The following CTNS variants were observed in gnomAD, a reference collection of about 807,000 sequenced individuals.
CTNS encodes the protein cystinosin.
CTNS carries 27 observed loss-of-function variants against 43.7 expected under a neutral mutation model. That is an observed-to-expected ratio of 0.62 (90% CI 0.46 to 0.85). The LOEUF (loss-of-function observed/expected upper bound fraction) is 0.85, where lower values mean the gene tolerates loss of function less well. Ranked by LOEUF, CTNS falls within the 40% of genes least tolerant of loss-of-function variation. CTNS has a pLI of 0.00. For missense variants in CTNS, 457 were observed against 475.4 expected (o/e 0.96, Z 0.36); for synonymous variants, 187 against 190.6 (o/e 0.98, Z 0.16).
Position 3,660,290 on chromosome 17 carries a change from CCATCGTCTTCGA to C in CTNS, c.1027_1038del (p.Ile343_Asp346del). The C allele has an allele frequency of 1.9e-6, 3 of 1,614,262 alleles. No homozygotes were observed. Among genetic ancestry groups the C allele is most frequent in the Non-Finnish European group, 2.5e-6 (3 of 1,180,050 alleles). ...ACCAAGTTTGGACTCGGGGTCTTCT[CCATCGTCTTCGA>C]CGTCGTCTTCTTCATCCAGCACTTC... is the stretch of plus-strand genomic sequence containing the variant. On this transcript the variant is annotated inframe_deletion, in exon 12 of 12. Coordinates refer to ENST00000046640, the MANE Select transcript of CTNS (RefSeq NM_004937.3).
At chr17:3,656,613 T>C (rs1322208156) in intron 8 of CTNS, 27 bp downstream of exon 8, 2 of 1,612,344 alleles carry the variant, frequency 1.2e-6, no homozygotes, top group African/African-American at 2.7e-5. Flanking sequence ...CCTACATCTC[T>C]GCCCACATGG....
intron 3 of CTNS, among the ~76,000 whole-genome samples, chr17:3,644,179 A>T (rs2075791580): frequency 6.6e-6 from 1 of 152,196 alleles, no homozygotes; most frequent in African/African-American, 2.4e-5. Flanking sequence ...TTTGTGGAAA[A>T]CATGTTACAA....
chr17:3,655,466 A>G lies in CTNS; in HGVS notation c.461+114A>G, dbSNP rs77896500. The stretch of plus-strand genomic sequence containing the variant: ...GTCCCCTCTACCCTTCTGTCTGCCT[A>G]CCCTTTCCAGAAAGTTGTCCCAGTG... On this transcript the variant is annotated intron_variant, in intron 7 of 11. Transcript: ENST00000046640. 557 of 1,499,098 alleles carry G rather than the reference A, an allele frequency of 3.7e-4. No individual in the cohort carries two copies. The African/African-American group carries it at 6.6e-3, about 18-fold the overall frequency. 92.9% of individuals were successfully genotyped at this position (1,499,098 alleles called of 1,614,324 possible). A position where few individuals can be genotyped will look rare whatever the true frequency, so the allele number is the denominator to read the frequency against.
In CTNS at chr17:3,662,311, CAAAA is replaced by C. The variant is rs397856854; in HGVS notation, c.*1954_*1957del. On this transcript the variant is annotated 3_prime_UTR_variant, in exon 12 of 12. Coordinates refer to ENST00000046640, the MANE Select transcript of CTNS (RefSeq NM_004937.3). ...GGGCAACAAGAACGAAACTCCATCT[CAAAA>C]AAAAAAAAAAATTATTGACTTTTCT... Among the ~76,000 whole-genome samples, 1 of 146,790 alleles carries C rather than the reference CAAAA, an allele frequency of 6.8e-6. No homozygotes were observed. The highest frequency in any genetic ancestry group is 1.5e-5 in the Non-Finnish European group (1 of 66,318).
chr17:3,652,053 C>T (rs2076000748), intron 5 of CTNS, among the ~76,000 whole-genome samples: 1 of 151,888 alleles, frequency 6.6e-6, no homozygotes, highest in Admixed American at 6.6e-5. Context: ...TGGGCACCAA[C>T]CTACCTTTTC....
Position 3,655,176 on chromosome 17 carries a change from A to G in CTNS, c.330-45A>G, listed in dbSNP as rs368128980. The stretch of plus-strand genomic sequence containing the variant: ...TGCTGGGCACGTGGGAGTCTCCTTC[A>G]GAAGCCCAGCCTCAGCTCATCCCGG... On this transcript the variant is annotated intron_variant, in intron 6 of 11. Coordinates refer to ENST00000046640, the MANE Select transcript of CTNS (RefSeq NM_004937.3). 357 of 1,614,082 alleles carry G rather than the reference A, an allele frequency of 2.2e-4. 1 individual carries two copies. In the African/African-American group the frequency reaches 4.3e-3, roughly 19 times the overall value.
Position 3,647,616 on chromosome 17 carries a change from T to G in CTNS, c.140+94T>G, listed in dbSNP as rs1324650400. On this transcript the variant is annotated intron_variant, in intron 4 of 11. Coordinates refer to ENST00000046640, the MANE Select transcript of CTNS (RefSeq NM_004937.3). Reference sequence around the variant, plus strand: ...TGGCTCAGTCTGTTCAGATTTCAGATGCGCTATTCTTGCCTCTTACCTGTA... The same window carrying G: ...TGGCTCAGTCTGTTCAGATTTCAGAGGCGCTATTCTTGCCTCTTACCTGTA... 1.5e-5 allele frequency: 16 copies of G among 1,100,752 alleles called. No homozygotes were observed. The East Asian group carries it at 3.6e-4, about 25-fold the overall frequency. The allele number at this position is 1,100,752 out of a possible 1,614,324, so 68.2% of individuals were successfully genotyped here.
intron 3 of CTNS, among the ~76,000 whole-genome samples, chr17:3,641,384 A>ATATATATATATAT (rs1555558526): frequency 3.2e-5 from 1 of 31,204 alleles, no homozygotes; most frequent in Non-Finnish European, 4.5e-5. Flanking sequence ...ATATATATAT[A>ATATATATATATAT]TTTTTTTTTT....
intron 10 of CTNS, among the ~76,000 whole-genome samples, chr17:3,659,013 C>T (rs984548985): frequency 5.9e-5 from 9 of 151,816 alleles, no homozygotes; most frequent in African/African-American, 2.2e-4. Context: ...AAGTGGGCCC[C>T]AGTCCCTGAG....
chr17:3,655,295 T>G lies in CTNS; in HGVS notation c.404T>G (p.Phe135Cys), dbSNP rs766983783. ...AACCAGGTGATTGGCTGGATCTACTTTGTGGCCTGGTCCATCTCCTTCTAC... is the reference window on the plus strand; with the variant it reads ...AACCAGGTGATTGGCTGGATCTACTGTGTGGCCTGGTCCATCTCCTTCTAC... ...IINQVIGWIYFVAWSISFYPQ... is the reference protein window; with the variant it reads ...IINQVIGWIYCVAWSISFYPQ... The change falls in exon 7 of 12, where the codon TTT becomes TGT. Residue 135 changes from phenylalanine (F) to cysteine (C), a missense_variant. By Grantham distance (205) the Phe-to-Cys change is radical (BLOSUM62 -2). Coordinates refer to ENST00000046640, the MANE Select transcript of CTNS (RefSeq NM_004937.3). 1.3e-5 allele frequency: 21 copies of G among 1,614,056 alleles called. No individual in the cohort carries two copies. In the East Asian group the frequency reaches 3.8e-4, roughly 29 times the overall value.
rs1221660343 is a variant in CTNS, at chr17:3,645,612, C to T, written c.62-1832C>T. Among the ~76,000 whole-genome samples, 8 of 152,142 alleles carry T rather than the reference C, an allele frequency of 5.3e-5. No individual in the cohort carries two copies. The East Asian group carries it at 1.5e-3, about 29-fold the overall frequency. ...TGGTGGCTCACACCTGTAGTCCCAG[C>T]GCTTTGGAAGGCCAAGGCAGGCAGA... On this transcript the variant is annotated intron_variant, in intron 3 of 11. Transcript: ENST00000046640.
At chr17:3,651,899 G>A (rs944716769) in intron 5 of CTNS, among the ~76,000 whole-genome samples, 30 of 150,058 alleles carry the variant, frequency 2.0e-4, no homozygotes, top group African/African-American at 5.8e-4. Context: ...ACTTGAACCC[G>A]GGAGGCAGAG....
chr17:3,656,736 T>C lies in CTNS; in HGVS notation c.622T>C (p.Phe208Leu). 1.2e-6 allele frequency: 2 copies of C among 1,613,558 alleles called. No homozygotes were observed. The highest frequency in any genetic ancestry group is 1.7e-6 in the Non-Finnish European group (2 of 1,179,976). ...VNPVNSNDVFFSLHAVVLTLI... is the reference protein window; with the variant it reads ...VNPVNSNDVFLSLHAVVLTLI... ...CCCCGTGAACAGCAACGACGTCTTCTTCAGCCTGCACGCGGTTGTCCTCAC... is the reference window on the plus strand; with the variant it reads ...CCCCGTGAACAGCAACGACGTCTTCCTCAGCCTGCACGCGGTTGTCCTCAC... Residue 208 changes from phenylalanine to leucine, a missense_variant, in exon 9 of 12, where the codon TTC (phenylalanine) becomes CTC (leucine). Phe to Leu is a conservative substitution (Grantham distance 22, BLOSUM62 0). Coordinates refer to ENST00000046640, the MANE Select transcript of CTNS (RefSeq NM_004937.3).
rs71379527 is a variant in CTNS, at chr17:3,661,417, A to AGGGGGG, written c.*1052_*1053insGGGGGG. 3.0e-4 allele frequency: 46 copies of AGGGGGG among 151,452 alleles called. No individual in the cohort carries two copies. The highest frequency in any genetic ancestry group is 1.1e-3 in the African/African-American group (43 of 40,418). 9.4% of individuals were successfully genotyped at this position (151,452 alleles called of 1,614,324 possible). Reference sequence around the variant, plus strand: ...CCAAAGCTGTCCTTCCTATGGCAGGAGGGGTGGGGGTCCCAGGACGTGCCT... The same window carrying AGGGGGG: ...CCAAAGCTGTCCTTCCTATGGCAGGAGGGGGGGGGGTGGGGGTCCCAGGACGTGCCT... On this transcript the variant is annotated 3_prime_UTR_variant, in exon 12 of 12. Coordinates refer to ENST00000046640, the MANE Select transcript of CTNS (RefSeq NM_004937.3).
At position 3,637,159 on chromosome 17, in the gene CTNS, G is replaced by C. The variant is rs2075549819; in HGVS notation, c.-177G>C. The C allele has an allele frequency of 6.6e-6, 1 of 152,300 alleles. No individual in the cohort carries two copies. Among genetic ancestry groups the C allele is most frequent in the African/African-American group, 2.4e-5 (1 of 41,462 alleles). The allele number at this position is 152,300 out of a possible 1,614,324, so 9.4% of individuals were successfully genotyped here. A position where few individuals can be genotyped will look rare whatever the true frequency, so the allele number is the denominator to read the frequency against. On this transcript the variant is annotated 5_prime_UTR_variant, in exon 2 of 12. Transcript: ENST00000046640. ...TTGCGAGAGCGCCGGTTGACGTGCG[G>C]AGTGCGGGGCTCCGGGGGACTGAGC...
At chr17:3,641,729 A>G (rs2075713395) in intron 3 of CTNS, among the ~76,000 whole-genome samples, 1 of 152,018 alleles carries the variant, frequency 6.6e-6, no homozygotes, top group Non-Finnish European at 1.5e-5. Flanking sequence ...AACCTTGACA[A>G]ACAATACAAA....
In CTNS at chr17:3,658,302, G is replaced by A. The variant is rs910923732; in HGVS notation, c.852+127G>A. 47 of 1,322,558 alleles carry A rather than the reference G, an allele frequency of 3.6e-5. No homozygotes were observed. In the African/African-American group the frequency reaches 4.8e-4, roughly 13 times the overall value. The allele number at this position is 1,322,558 out of a possible 1,614,324, so 81.9% of individuals were successfully genotyped here. A position where few individuals can be genotyped will look rare whatever the true frequency, so the allele number is the denominator to read the frequency against. On this transcript the variant is annotated intron_variant, in intron 10 of 11. Transcript: ENST00000046640. ...CAGGACGGAAAGCCACAGGGAGCCC[G>A]GGAGCCCAGCGGGAGCGGGGCGGTG... is the stretch of plus-strand genomic sequence containing the variant.
At chr17:3,653,692 A>G (rs1030647681) in intron 5 of CTNS, among the ~76,000 whole-genome samples, 9 of 152,128 alleles carry the variant, frequency 5.9e-5, no homozygotes, top group Admixed American at 4.6e-4. Flanking sequence ...GCTGACCAAC[A>G]TGGTGAAACC....
chr17:3,651,115 G>T (rs919604096), intron 5 of CTNS, among the ~76,000 whole-genome samples: 1 of 151,116 alleles, frequency 6.6e-6, no homozygotes, highest in African/African-American at 2.4e-5. Context: ...GATTGATTGA[G>T]ACAGAGTCTC....
Sources: gnomAD v4.1 joint callset for allele counts (sites outside exome capture counted in the v4.1 genomes callset) on GRCh38, gnomAD v4.1.1 for gene constraint, MANE v1.5 for transcripts, NCBI Gene and HGNC (gene_info 2026-07-23, HGNC 2026-07-21) for gene names.